The following SESN3 variants were observed in gnomAD, a reference collection of about 807,000 sequenced individuals.
SESN3 encodes the protein sestrin 3.
In SESN3, 21 loss-of-function variants were observed where a neutral mutation model predicts 55.3. The ratio of observed to expected loss-of-function variants is 0.38; its 90% confidence interval spans 0.27 to 0.55. The LOEUF (loss-of-function observed/expected upper bound fraction) is 0.55, where lower values mean the gene tolerates loss of function less well. SESN3 is among the 20% of genes least tolerant of loss of function. The probability of loss-of-function intolerance (pLI) is 0.76; values close to 1 mark genes in which losing one functional copy is unlikely to be tolerated. For synonymous variants in SESN3, 181 were observed against 203.1 expected (o/e 0.89, Z 0.93); for missense variants, 408 against 604.3 (o/e 0.68, Z 3.41).
At position 95,168,821 on chromosome 11, in the gene SESN3, T is replaced by C. The variant is rs1210819905; in HGVS notation, c.*4434A>G. 1 of 152,426 alleles carries C rather than the reference T, an allele frequency of 6.6e-6. No individual in the cohort carries two copies. Among genetic ancestry groups the C allele is most frequent in the African/African-American group, 2.4e-5 (1 of 41,438 alleles). 9.4% of individuals were successfully genotyped at this position (152,426 alleles called of 1,614,324 possible). ...GATGTTTGGTTTGGATTGTGAAAGC[T>C]GCTTAGACCAAGATGGGCTGAGGGA... On this transcript the variant is annotated 3_prime_UTR_variant, in exon 10 of 10. Coordinates refer to ENST00000536441, the MANE Select transcript of SESN3 (RefSeq NM_144665.4).
intron 1 of SESN3, among the ~76,000 whole-genome samples, chr11:95,202,962 T>G (rs564932518): frequency 2.1e-4 from 32 of 152,116 alleles, no homozygotes; most frequent in Non-Finnish European, 4.4e-4. Flanking sequence ...AATTGGAAGT[T>G]TTAGAAAGTA....
At chr11:95,191,685 C>T (rs1236071297) in intron 2 of SESN3, 84 bp from the exon 3 acceptor site, 1 of 936,798 alleles carries the variant, frequency 1.1e-6, no homozygotes, top group Non-Finnish European at 1.7e-6. Flanking sequence ...ACTATTGAAG[C>T]AAATGAATAT....
rs1774572040 is a variant in SESN3, at chr11:95,170,721, TTAG to T, written c.*2531_*2533del. On this transcript the variant is annotated 3_prime_UTR_variant, in exon 10 of 10. Transcript: ENST00000536441. ...CCTGAAATGCTGTGCATGCTGCGTATTAGTAGGTGCTTTAGCACCTGCAGAAGT... is the reference window on the plus strand; with the variant it reads ...CCTGAAATGCTGTGCATGCTGCGTATTAGGTGCTTTAGCACCTGCAGAAGT... The T allele has an allele frequency of 6.6e-6, 1 of 152,214 alleles. No homozygotes were observed. Among genetic ancestry groups the T allele is most frequent in the Admixed American group, 6.5e-5 (1 of 15,284 alleles). 9.4% of individuals were successfully genotyped at this position (152,214 alleles called of 1,614,324 possible). A position where few individuals can be genotyped will look rare whatever the true frequency, so the allele number is the denominator to read the frequency against.
chr11:95,174,868 T>C (rs189103984), intron 9 of SESN3, among the ~76,000 whole-genome samples: 121 of 152,264 alleles, frequency 7.9e-4, no homozygotes, highest in African/African-American at 2.7e-3. Context: ...TTGTTCAATA[T>C]AGCATATAAA....
chr11:95,185,195 T>C lies in SESN3; in HGVS notation c.762+61A>G, dbSNP rs115921517. On this transcript the variant is annotated intron_variant, in intron 5 of 9. Transcript: ENST00000536441. The stretch of plus-strand genomic sequence containing the variant: ...TAATTGGAGAAAAATTCTCTCTAGA[T>C]ATTTTTAATATTAGAAGTTTAAAGC... 275 of 922,766 alleles carry C rather than the reference T, an allele frequency of 3.0e-4. 1 individual carries two copies. The African/African-American group carries it at 3.6e-3, about 12-fold the overall frequency. 57.2% of individuals were successfully genotyped at this position (922,766 alleles called of 1,614,324 possible). A position where few individuals can be genotyped will look rare whatever the true frequency, so the allele number is the denominator to read the frequency against.
At chr11:95,193,253 T>C (rs1346595302) in intron 2 of SESN3, among the ~76,000 whole-genome samples, 1 of 152,162 alleles carries the variant, frequency 6.6e-6, no homozygotes, top group Non-Finnish European at 1.5e-5. Context: ...CTATTTCTAC[T>C]AGTCCCTTCT....
chr11:95,188,067 T>G (rs1487091036), intron 4 of SESN3, among the ~76,000 whole-genome samples: 1 of 151,612 alleles, frequency 6.6e-6, no homozygotes, highest in Non-Finnish European at 1.5e-5. Context: ...ACTGGTCTAC[T>G]GCTTCCAGTC....
At chr11:95,212,311 T>TTA (rs1217085510) in intron 1 of SESN3, among the ~76,000 whole-genome samples, 1 of 152,112 alleles carries the variant, frequency 6.6e-6, no homozygotes, top group African/African-American at 2.4e-5. Context: ...TTAGCTATCT[T>TTA]TATAATTATT....
chr11:95,194,502 C>T (rs1350493), intron 1 of SESN3, among the ~76,000 whole-genome samples: 2 of 152,016 alleles, frequency 1.3e-5, no homozygotes, highest in East Asian at 3.9e-4. Context: ...ATGCTCTCTG[C>T]CCTCATGAGC....
chr11:95,218,944 A>G (rs570843308), intron 1 of SESN3, among the ~76,000 whole-genome samples: 113 of 152,122 alleles, frequency 7.4e-4, no homozygotes, highest in Admixed American at 1.6e-3. Flanking sequence ...GAGCCGCCGC[A>G]CCCGGCCATA....
In SESN3 at chr11:95,168,323, C is replaced by A. The variant is rs1198522053; in HGVS notation, c.*4932G>T. 1 of 152,180 alleles carries A rather than the reference C, an allele frequency of 6.6e-6. No individual in the cohort carries two copies. Among genetic ancestry groups the A allele is most frequent in the Non-Finnish European group, 1.5e-5 (1 of 68,028 alleles). 9.4% of individuals were successfully genotyped at this position (152,180 alleles called of 1,614,324 possible). ...AACAGTATTCATTCATAACCTAATA[C>A]AAATCCAAGTTAGGATGGCAATTCA... is the stretch of plus-strand genomic sequence containing the variant. On this transcript the variant is annotated 3_prime_UTR_variant, in exon 10 of 10. Coordinates refer to ENST00000536441, the MANE Select transcript of SESN3 (RefSeq NM_144665.4).
At chr11:95,185,601 T>TA in intron 4 of SESN3, 109 bp from the exon 5 acceptor site, 5 of 715,534 alleles carry the variant, frequency 7.0e-6, no homozygotes, top group Non-Finnish European at 1.2e-5. Context: ...TAATAAAACT[T>TA]AAAACTCTCT....
At chr11:95,224,002 T>C (rs1860905881) in intron 1 of SESN3, among the ~76,000 whole-genome samples, 1 of 152,220 alleles carries the variant, frequency 6.6e-6, no homozygotes. Context: ...TTTGGAATAA[T>C]TGTATTTTCC....
At position 95,165,860 on chromosome 11, in the gene SESN3, A is replaced by G. The variant is rs1226737104; in HGVS notation, c.*7395T>C. 2 of 152,326 alleles carry G rather than the reference A, an allele frequency of 1.3e-5. No homozygotes were observed. Among genetic ancestry groups the G allele is most frequent in the East Asian group, 3.9e-4 (2 of 5,184 alleles). The allele number at this position is 152,326 out of a possible 1,614,324, so 9.4% of individuals were successfully genotyped here. A position where few individuals can be genotyped will look rare whatever the true frequency, so the allele number is the denominator to read the frequency against. On this transcript the variant is annotated 3_prime_UTR_variant, in exon 10 of 10. Coordinates refer to ENST00000536441, the MANE Select transcript of SESN3 (RefSeq NM_144665.4). ...ACACATAAACTGATCCATTTAGGTC[A>G]GCTTTAGTCAGAACTGTAAAATCAG...
intron 3 of SESN3, among the ~76,000 whole-genome samples, chr11:95,190,478 CCT>C (rs1490129682): frequency 6.6e-6 from 1 of 151,862 alleles, no homozygotes; most frequent in African/African-American, 2.4e-5. Flanking sequence ...CCTCAATTGA[CCT>C]CTTTTTTCCT....
At chr11:95,184,868 ATAGTT>A (rs1386885822) in intron 5 of SESN3, among the ~76,000 whole-genome samples, 6 of 152,004 alleles carry the variant, frequency 3.9e-5, no homozygotes, top group Non-Finnish European at 8.8e-5. Context: ...ATTAAATATT[ATAGTT>A]TAGTTTAAAA....
intron 1 of SESN3, among the ~76,000 whole-genome samples, chr11:95,199,801 T>C (rs1375842110): frequency 6.6e-6 from 1 of 152,104 alleles, no homozygotes; most frequent in African/African-American, 2.4e-5. Context: ...AATTTATCTC[T>C]GTAGGGGAGC....
chr11:95,226,438 G>T (rs1367642340), intron 1 of SESN3, among the ~76,000 whole-genome samples: 1 of 152,170 alleles, frequency 6.6e-6, no homozygotes, highest in African/African-American at 2.4e-5. Context: ...GTGGGGAGTT[G>T]GGGGAAGCAG....
At chr11:95,194,123 T>C (rs1288559714) in intron 1 of SESN3, among the ~76,000 whole-genome samples, 1 of 152,108 alleles carries the variant, frequency 6.6e-6, no homozygotes, top group Non-Finnish European at 1.5e-5. Context: ...TTGCCAATGG[T>C]ATGTCTGAAT....
Sources: gnomAD v4.1 joint callset for allele counts (sites outside exome capture counted in the v4.1 genomes callset) on GRCh38, gnomAD v4.1.1 for gene constraint, MANE v1.5 for transcripts, NCBI Gene and HGNC (gene_info 2026-07-23, HGNC 2026-07-21) for gene names.